ERC1: variants seen among roughly 807,000 people sequenced by gnomAD.
ERC1 encodes the protein ELKS/RAB6-interacting/CAST family member 1, also known as RAB6 interacting protein 2.
In ERC1, 56 loss-of-function variants were observed where a neutral mutation model predicts 132.0. That is an observed-to-expected ratio of 0.42 (90% CI 0.34 to 0.53). The LOEUF (loss-of-function observed/expected upper bound fraction) is 0.53. Among genes scored for constraint, ERC1 ranks in the 20% least tolerant of loss-of-function variants. The probability of loss-of-function intolerance (pLI) is 0.03; values close to 1 mark genes in which losing one functional copy is unlikely to be tolerated. For missense variants in ERC1, 1,202 were observed against 1,349.9 expected, an observed-to-expected ratio of 0.89 and a Z score of 1.72; for synonymous variants, 478 against 476.1, an observed-to-expected ratio of 1.00 and a Z score of -0.05.
At chr12:1,190,619 A>C (rs1293319166) in intron 12 of ERC1, among the ~76,000 whole-genome samples, 1 of 152,206 alleles carries the variant, frequency 6.6e-6, no homozygotes, top group African/African-American at 2.4e-5. Context: ...GGAATTCTTC[A>C]AAATATTCTG....
chr12:1,200,471 C>T (rs963907243), intron 12 of ERC1, among the ~76,000 whole-genome samples: 4 of 152,086 alleles, frequency 2.6e-5, no homozygotes, highest in Non-Finnish European at 5.9e-5. Flanking sequence ...TGTCCTGTGA[C>T]TGTACATTAG....
chr12:1,432,819 G>T (rs2092835690), intron 17 of ERC1, among the ~76,000 whole-genome samples: 1 of 152,204 alleles, frequency 6.6e-6, no homozygotes, highest in Non-Finnish European at 1.5e-5. Context: ...TATCAATACA[G>T]TGCAAAGATG....
chr12:1,197,669 T>TC (rs1956465354), intron 12 of ERC1, among the ~76,000 whole-genome samples: 1 of 152,244 alleles, frequency 6.6e-6, no homozygotes, highest in African/African-American at 2.4e-5. Flanking sequence ...AGACTAAGAC[T>TC]CCATCAATAC....
intron 7 of ERC1, among the ~76,000 whole-genome samples, chr12:1,119,998 T>A (rs929541955): frequency 3.9e-5 from 6 of 152,108 alleles, no homozygotes; most frequent in Non-Finnish European, 8.8e-5. Context: ...ATTTATTATT[T>A]TTTTTTTGCG....
At chr12:1,483,212 C>T (rs190907191) in intron 18 of ERC1, among the ~76,000 whole-genome samples, 3 of 152,278 alleles carry the variant, frequency 2.0e-5, no homozygotes, top group Admixed American at 2.0e-4. Context: ...GCAGGAGGAT[C>T]ACTTGAGTCT....
chr12:1,310,605 G>T (rs1350253129), intron 15 of ERC1, among the ~76,000 whole-genome samples: 1 of 152,232 alleles, frequency 6.6e-6, no homozygotes, highest in East Asian at 1.9e-4. Flanking sequence ...GGGAGATGCA[G>T]TAGTTCTGTG....
At chr12:1,221,764 T>G (rs868112017) in intron 12 of ERC1, among the ~76,000 whole-genome samples, 8 of 152,318 alleles carry the variant, frequency 5.3e-5, no homozygotes, top group Middle Eastern at 3.4e-3. Flanking sequence ...TTAAGTAGTA[T>G]TATAAAATTT....
chr12:1,170,738 C>A (rs544701209), intron 8 of ERC1, among the ~76,000 whole-genome samples: 1 of 152,122 alleles, frequency 6.6e-6, no homozygotes. Context: ...TGTTCTAATG[C>A]GAGAGGCCCC....
intron 8 of ERC1, chr12:1,152,636 A>G (rs1260587571): frequency 6.5e-6 from 1 of 152,706 alleles, no homozygotes; most frequent in Non-Finnish European, 1.5e-5. Flanking sequence ...ATAGAGATAC[A>G]ATTTGAGATG....
intron 2 of ERC1, among the ~76,000 whole-genome samples, chr12:1,069,287 T>A (rs1185381066): frequency 2.0e-5 from 3 of 152,208 alleles, no homozygotes; most frequent in Non-Finnish European, 4.4e-5. Flanking sequence ...ATCTGACTCC[T>A]TTTATCATCT....
At chr12:1,383,252 T>C (rs117652532) in intron 16 of ERC1, among the ~76,000 whole-genome samples, 35 of 152,312 alleles carry the variant, frequency 2.3e-4, no homozygotes, top group Middle Eastern at 6.8e-3. Flanking sequence ...GTTTCTTCTG[T>C]GTCCATCAGG....
intron 18 of ERC1, among the ~76,000 whole-genome samples, chr12:1,448,556 T>C (rs1309133575): frequency 6.6e-6 from 1 of 152,184 alleles, no homozygotes; most frequent in Non-Finnish European, 1.5e-5. Flanking sequence ...AATATGCATA[T>C]TGGTTTATTT....
chr12:1,011,802 CTG>C (rs1964723020), intron 1 of ERC1, among the ~76,000 whole-genome samples: 1 of 152,030 alleles, frequency 6.6e-6, no homozygotes, highest in Non-Finnish European at 1.5e-5. Context: ...CAAAAATTAA[CTG>C]GATATGGTTG....
chr12:1,356,075 A>G (rs1260775664), intron 15 of ERC1, among the ~76,000 whole-genome samples: 1 of 151,940 alleles, frequency 6.6e-6, no homozygotes, highest in Middle Eastern at 3.2e-3. Context: ...CTGGTGGCAC[A>G]TGCCTGTGGT....
chr12:1,446,570 A>G (rs1159228664), intron 18 of ERC1, among the ~76,000 whole-genome samples: 1 of 152,154 alleles, frequency 6.6e-6, no homozygotes, highest in Non-Finnish European at 1.5e-5. Context: ...TTGTTTGTTT[A>G]CTCGTGTGTG....
In ERC1 at chr12:1,027,960, GCGTTCA is replaced by G; in HGVS notation, c.59_64del (p.Arg20_Ser21del). On this transcript the variant is annotated inframe_deletion, in exon 2 of 19. Transcript: ENST00000360905. ...TGGAGCCGAGCAGCCAGAGCCCTGG[GCGTTCA>G]CCCAGGCTTCCACGTTCCCCTCGCT... The G allele has an allele frequency of 6.2e-7, 1 of 1,614,032 alleles. No homozygotes were observed. Among genetic ancestry groups the G allele is most frequent in the South Asian group, 1.1e-5 (1 of 91,066 alleles).
intron 15 of ERC1, among the ~76,000 whole-genome samples, chr12:1,291,801 C>T (rs917750863): frequency 2.6e-5 from 4 of 152,138 alleles, no homozygotes; most frequent in Non-Finnish European, 4.4e-5. Context: ...TTTGGGGAGA[C>T]GTAAAACGGT....
intron 15 of ERC1, among the ~76,000 whole-genome samples, chr12:1,327,604 T>C (rs1217067163): frequency 5.9e-5 from 9 of 152,168 alleles, no homozygotes; most frequent in Non-Finnish European, 1.5e-5. Context: ...CACTTTTAGC[T>C]CCCTTCTCTT....
intron 7 of ERC1, among the ~76,000 whole-genome samples, chr12:1,134,632 G>T (rs1949079664): frequency 6.6e-6 from 1 of 151,710 alleles, no homozygotes. Context: ...GATTACAGGT[G>T]TGAGCCACCG....
Sources: gnomAD v4.1 joint callset for allele counts (sites outside exome capture counted in the v4.1 genomes callset) on GRCh38, gnomAD v4.1.1 for gene constraint, MANE v1.5 for transcripts, NCBI Gene and HGNC (gene_info 2026-07-23, HGNC 2026-07-21) for gene names.